The following ATR variants were observed in gnomAD, a reference collection of about 807,000 sequenced individuals.
ATR encodes the protein serine/threonine-protein kinase ATR.
A neutral mutation model predicts 305.3 loss-of-function variants in ATR; 142 were observed. The ratio of observed to expected loss-of-function variants is 0.47; its 90% confidence interval spans 0.41 to 0.53. The LOEUF is 0.53. ATR is among the 20% of genes least tolerant of loss of function. The pLI is 0.00. For synonymous variants in ATR, 1,050 were observed against 1,068.1 expected, an observed-to-expected ratio of 0.98 and a Z score of 0.33; for missense variants, 2,135 against 3,133.1, an observed-to-expected ratio of 0.68 and a Z score of 7.60.
At chr3:142,562,135 G>T in intron 4 of ATR, 97 bp downstream of exon 4, 3 of 1,268,980 alleles carry the variant, frequency 2.4e-6, no homozygotes, top group Middle Eastern at 2.6e-4. Flanking sequence ...TACTATTAAA[G>T]ATATTCTATT....
chr3:142,503,314 C>A (rs973070401), intron 30 of ATR, 48 bp downstream of exon 30: 1 of 1,326,758 alleles, frequency 7.5e-7, no homozygotes, highest in Non-Finnish European at 1.1e-6. Flanking sequence ...ACTAAAAATT[C>A]TCCATTCAGA....
At chr3:142,473,492 T>C (rs977737840) in intron 36 of ATR, among the ~76,000 whole-genome samples, 14 of 152,184 alleles carry the variant, frequency 9.2e-5, no homozygotes, top group South Asian at 2.1e-4. Flanking sequence ...TTTTGATTAT[T>C]ATAGCTTTGT....
At chr3:142,531,029 T>A (rs2033619054) in intron 21 of ATR, among the ~76,000 whole-genome samples, 2 of 152,114 alleles carry the variant, frequency 1.3e-5, no homozygotes, top group Non-Finnish European at 2.9e-5. Context: ...CCATACAAGG[T>A]TAAGATATGA....
chr3:142,449,744 G>T (rs1327779971), intron 46 of ATR, 142 bp from the exon 47 acceptor site: 1 of 883,118 alleles, frequency 1.1e-6, no homozygotes, highest in South Asian at 1.6e-5. Context: ...AGGAAAAGAA[G>T]AAATTAAACA....
chr3:142,451,065 A>G (rs2070778817), intron 46 of ATR: 1 of 1,281,658 alleles, frequency 7.8e-7, no homozygotes, highest in Non-Finnish European at 1.0e-6. Flanking sequence ...CTCCAGGAAA[A>G]TGGCCTGGCT....
intron 46 of ATR, chr3:142,451,416 AT>A: frequency 6.7e-7 from 1 of 1,482,690 alleles, no homozygotes; most frequent in Non-Finnish European, 9.1e-7. Flanking sequence ...GCCTAGAAAT[AT>A]TTTTCTTCAT....
intron 36 of ATR, among the ~76,000 whole-genome samples, chr3:142,482,846 A>G (rs922639193): frequency 3.3e-5 from 5 of 151,782 alleles, no homozygotes; most frequent in African/African-American, 7.3e-5. Context: ...AAAAAAAAAA[A>G]AAGAAGAACT....
chr3:142,481,381 C>T (rs551434584), intron 36 of ATR, among the ~76,000 whole-genome samples: 2 of 152,290 alleles, frequency 1.3e-5, no homozygotes, highest in Non-Finnish European at 2.9e-5. Context: ...TTGAACCATC[C>T]TTGCATTCTG....
chr3:142,577,482 G>C (rs567342593), intron 1 of ATR, among the ~76,000 whole-genome samples: 1 of 152,118 alleles, frequency 6.6e-6, no homozygotes, highest in African/African-American at 2.4e-5. Flanking sequence ...TAAACACAAA[G>C]TATACTTGCC....
chr3:142,516,747 C>T (rs867637462), intron 24 of ATR, among the ~76,000 whole-genome samples: 2 of 152,216 alleles, frequency 1.3e-5, no homozygotes, highest in Admixed American at 6.5e-5. Context: ...CACGGCTCTC[C>T]CATTCCGGAT....
chr3:142,498,084 A>C (rs1392324873), intron 32 of ATR, among the ~76,000 whole-genome samples: 1 of 152,220 alleles, frequency 6.6e-6, no homozygotes, highest in East Asian at 1.9e-4. Flanking sequence ...CTATGTAGTA[A>C]ATTTCTTATA....
rs933846920 is a variant in ATR, at chr3:142,505,127, T to C, written c.5196+12A>G. 1 of 1,613,964 alleles carries C rather than the reference T, an allele frequency of 6.2e-7. No homozygotes were observed. Among genetic ancestry groups the C allele is most frequent in the African/African-American group, 1.3e-5 (1 of 75,048 alleles). On this transcript the variant is annotated intron_variant, in intron 29 of 46. Coordinates refer to ENST00000350721, the MANE Select transcript of ATR (RefSeq NM_001184.4). ...TATTTTCATTACAGTTGCCTTTCAA[T>C]TATTATCTTACCTGGTCTGGTTCTA...
chr3:142,503,564 T>C (rs2032086447), intron 29 of ATR, 111 bp from the exon 30 acceptor site: 1 of 499,496 alleles, frequency 2.0e-6, no homozygotes, highest in African/African-American at 2.0e-5. Context: ...TTATTGCCCT[T>C]ATTTTTTTAT....
chr3:142,571,682 A>T (rs1029016214), intron 1 of ATR, among the ~76,000 whole-genome samples: 4 of 152,128 alleles, frequency 2.6e-5, no homozygotes, highest in Non-Finnish European at 5.9e-5. Flanking sequence ...TATATGTCAC[A>T]ATTTATTTCT....
Position 142,562,826 on chromosome 3 carries a change from A to G in ATR, c.576T>C (p.Ala192=). The change falls in exon 4 of 47, where the codon GCT becomes GCC. Residue 192 remains alanine (A), a synonymous_variant. Transcript: ENST00000350721. The part of the protein sequence containing the change: ...LDEHMGYLQS[A]PLQLMSMQNL... ...TTTGCATACTCATCAACTGCAAAGG[A>G]GCTGATTGTAAATATCCCATGTGTT... The G allele has an allele frequency of 1.2e-6, 2 of 1,606,942 alleles. No individual in the cohort carries two copies. The highest frequency in any genetic ancestry group is 2.2e-5 in the South Asian group (2 of 89,410).
At chr3:142,475,245 C>T (rs1318024623) in intron 36 of ATR, among the ~76,000 whole-genome samples, 1 of 152,130 alleles carries the variant, frequency 6.6e-6, no homozygotes, top group East Asian at 1.9e-4. Context: ...CTATCCCTCC[C>T]CCAGCCCCTC....
Position 142,520,683 on chromosome 3 carries a change from T to G in ATR, c.4267-899A>C, listed in dbSNP as rs1057382383. Among the ~76,000 whole-genome samples, 3 of 152,014 alleles carry G rather than the reference T, an allele frequency of 2.0e-5. No individual in the cohort carries two copies. The South Asian group carries it at 6.2e-4, about 32-fold the overall frequency. On this transcript the variant is annotated intron_variant, in intron 23 of 46. Transcript: ENST00000350721. ...GGAGAATAAGTTGCAGAAAAAAAGT[T>G]TGAAGTGATACAACTCAAGGGGCGC...
At chr3:142,463,818 C>T (rs1352710810) in intron 41 of ATR, among the ~76,000 whole-genome samples, 1 of 152,094 alleles carries the variant, frequency 6.6e-6, no homozygotes, top group African/African-American at 2.4e-5. Context: ...AAAACAAACT[C>T]ATCTACTGCT....
intron 30 of ATR, among the ~76,000 whole-genome samples, chr3:142,500,523 C>T (rs548554802): frequency 6.6e-6 from 1 of 152,150 alleles, no homozygotes; most frequent in South Asian, 2.1e-4. Flanking sequence ...ATTTAATAAT[C>T]TAATAACACT....
Sources: gnomAD v4.1 joint callset for allele counts (sites outside exome capture counted in the v4.1 genomes callset) on GRCh38, gnomAD v4.1.1 for gene constraint, MANE v1.5 for transcripts, NCBI Gene and HGNC (gene_info 2026-07-23, HGNC 2026-07-21) for gene names.